ANO10: variants seen among roughly 807,000 people sequenced by gnomAD.
ANO10 encodes the protein anoctamin-10.
ANO10 carries 77 observed loss-of-function variants against 74.7 expected under a neutral mutation model. The observed-to-expected ratio is 1.03, with a 90% confidence interval of 0.86 to 1.25. ANO10 has a LOEUF of 1.25. ANO10 is among the 50% of genes most tolerant of loss of function. The pLI is 0.00. For synonymous variants in ANO10, 279 were observed against 284.9 expected (o/e 0.98, Z 0.21); for missense variants, 721 against 778.1 (o/e 0.93, Z 0.87).
At chr3:43,467,330 TATGGAAACAACCC>T (rs1185117099) in intron 11 of ANO10, among the ~76,000 whole-genome samples, 1 of 151,996 alleles carries the variant, frequency 6.6e-6, no homozygotes, top group African/African-American at 2.4e-5. Context: ...ACGGTAAAAA[TATGGAAACAACCC>T]AAATGTTCAT....
At chr3:43,446,780 C>T (rs1003036105) in intron 11 of ANO10, among the ~76,000 whole-genome samples, 2 of 152,114 alleles carry the variant, frequency 1.3e-5, no homozygotes, top group Non-Finnish European at 2.9e-5. Flanking sequence ...GGTTTAACAA[C>T]AGCAAAAGCG....
chr3:43,472,222 G>A (rs1038220682), intron 11 of ANO10, among the ~76,000 whole-genome samples: 4 of 152,156 alleles, frequency 2.6e-5, no homozygotes, highest in African/African-American at 7.2e-5. Flanking sequence ...CAGATTAGTG[G>A]TTAAGGGTAG....
At chr3:43,593,041 AAGAAG>A (rs1324090818) in intron 4 of ANO10, among the ~76,000 whole-genome samples, 1 of 152,208 alleles carries the variant, frequency 6.6e-6, no homozygotes, top group African/African-American at 2.4e-5. Context: ...GAAATGAAGC[AAGAAG>A]AGAAGTTTAG....
chr3:43,484,839 A>C (rs2076403314), intron 11 of ANO10: 1 of 533,626 alleles, frequency 1.9e-6, no homozygotes, highest in Non-Finnish European at 3.3e-6. Context: ...TTTGGTTTAC[A>C]TCATGGAGGC....
intron 11 of ANO10, among the ~76,000 whole-genome samples, chr3:43,490,426 A>T (rs6441778): frequency 0.14 from 21,022 of 152,242 alleles, 1,790 homozygotes; most frequent in African/African-American, 0.23. Flanking sequence ...GAGGGGGAAG[A>T]AAAGTATTTT....
At chr3:43,410,433 A>C (rs578208760) in intron 12 of ANO10, among the ~76,000 whole-genome samples, 1 of 152,076 alleles carries the variant, frequency 6.6e-6, no homozygotes, top group East Asian at 1.9e-4. Context: ...TGTGATTTTA[A>C]ATGTCCTATT....
At chr3:43,643,320 C>T (rs1336862791) in intron 1 of ANO10, among the ~76,000 whole-genome samples, 2 of 151,714 alleles carry the variant, frequency 1.3e-5, no homozygotes, top group African/African-American at 2.4e-5. Context: ...GTTGAGCCAC[C>T]GCGCCCTGCC....
chr3:43,434,193 C>T (rs368991034), intron 11 of ANO10, among the ~76,000 whole-genome samples: 19 of 152,198 alleles, frequency 1.2e-4, no homozygotes, highest in African/African-American at 4.3e-4. Context: ...AAAGAATAGA[C>T]CAGGGACAGA....
chr3:43,636,438 AG>A (rs2083611870), intron 1 of ANO10: 1 of 152,264 alleles, frequency 6.6e-6, no homozygotes, highest in South Asian at 2.1e-4. Context: ...GGAGGATAAC[AG>A]GGGGCCTCTG....
intron 11 of ANO10, among the ~76,000 whole-genome samples, chr3:43,539,872 A>G (rs1187400744): frequency 6.6e-6 from 1 of 152,172 alleles, no homozygotes; most frequent in Non-Finnish European, 1.5e-5. Context: ...GATCTCTTGC[A>G]GAGGGGTGAG....
chr3:43,400,414 G>C (rs1374286687), intron 12 of ANO10, among the ~76,000 whole-genome samples: 1 of 151,974 alleles, frequency 6.6e-6, no homozygotes, highest in Non-Finnish European at 1.5e-5. Context: ...CGACTGGCTG[G>C]GAAGCTTGGG....
In ANO10 at chr3:43,639,607, C is replaced by T. The variant is rs142181993; in HGVS notation, c.-11-33744G>A. ...GTGAAACTCCGTCTCTACTAAAATA[C>T]AAAAATTAGCTGGGCGTGGTGGTGC... On this transcript the variant is annotated intron_variant, in intron 1 of 3. Transcript: ENST00000413397. 3.4e-3 allele frequency among the ~76,000 whole-genome samples: 524 copies of T among 152,016 alleles called. 1 individual carries two copies. The highest frequency in any genetic ancestry group is 5.6e-3 in the Non-Finnish European group (378 of 67,934).
At chr3:43,602,511 T>A (rs1559767989) in intron 2 of ANO10, among the ~76,000 whole-genome samples, 1 of 152,094 alleles carries the variant, frequency 6.6e-6, no homozygotes, top group African/African-American at 2.4e-5. Flanking sequence ...AATTTTTATA[T>A]TTTTAGTAGA....
chr3:43,439,520 A>T (rs1201470225), intron 11 of ANO10, among the ~76,000 whole-genome samples: 3 of 151,938 alleles, frequency 2.0e-5, no homozygotes, highest in Non-Finnish European at 4.4e-5. Flanking sequence ...TATATAAATC[A>T]CTTTTAATTC....
At chr3:43,546,122 C>T (rs1278976897) in intron 11 of ANO10, among the ~76,000 whole-genome samples, 1 of 152,048 alleles carries the variant, frequency 6.6e-6, no homozygotes, top group Non-Finnish European at 1.5e-5. Context: ...GTATGAAAGT[C>T]AATAAGGTAT....
intron 11 of ANO10, among the ~76,000 whole-genome samples, chr3:43,446,848 GA>G (rs1350521339): frequency 1.3e-5 from 2 of 152,018 alleles, no homozygotes; most frequent in African/African-American, 4.8e-5. Flanking sequence ...ATATCTTTTT[GA>G]ACTATAGTTT....
At chr3:43,575,768 G>T (rs1423038879) in intron 6 of ANO10, among the ~76,000 whole-genome samples, 2 of 152,096 alleles carry the variant, frequency 1.3e-5, no homozygotes, top group Non-Finnish European at 1.5e-5. Context: ...CTCCTGAGTA[G>T]TTGGGACTAC....
rs1284402151 is a variant in ANO10, at chr3:43,567,245, T to C, written c.1219-1518A>G. Among the ~76,000 whole-genome samples, 54 of 152,182 alleles carry C rather than the reference T, an allele frequency of 3.5e-4. 2 individuals carry two copies. Among genetic ancestry groups the C allele is most frequent in the African/African-American group, 1.3e-3 (52 of 41,510 alleles). On this transcript the variant is annotated intron_variant, in intron 7 of 12. Coordinates refer to ENST00000292246, the MANE Select transcript of ANO10 (RefSeq NM_018075.5). ...AAGTGATGGGGAGAATGGAACCAAG[T>C]TGGAAAACACTCTGCAGGATATTAT... is the stretch of plus-strand genomic sequence containing the variant.
intron 11 of ANO10, among the ~76,000 whole-genome samples, chr3:43,442,854 G>A (rs2148969786): frequency 6.6e-6 from 1 of 152,326 alleles, no homozygotes; most frequent in African/African-American, 2.4e-5. Context: ...TGGTCCTTTG[G>A]CTGGGGTTTG....
Sources: gnomAD v4.1 joint callset for allele counts (sites outside exome capture counted in the v4.1 genomes callset) on GRCh38, gnomAD v4.1.1 for gene constraint, MANE v1.5 for transcripts, NCBI Gene and HGNC (gene_info 2026-07-23, HGNC 2026-07-21) for gene names.